Variants in CNOT1 observed in about 807,000 individuals in gnomAD.
CNOT1 encodes the protein CCR4-NOT transcription complex subunit 1, also known as CCR4-associated factor 1.
CNOT1 carries 15 observed loss-of-function variants against 273.8 expected under a neutral mutation model. The observed-to-expected ratio is 0.05, with a 90% confidence interval of 0.04 to 0.08. CNOT1 has a LOEUF of 0.08. CNOT1 is among the 10% of genes least tolerant of loss of function. The pLI, the probability that CNOT1 is intolerant of heterozygous loss-of-function variation, is 1.00. For synonymous variants in CNOT1, 1,022 were observed against 1,005.5 expected (o/e 1.02, Z -0.31); for missense variants, 1,644 against 2,912.2 (o/e 0.56, Z 10.02).
At chr16:58,555,169 C>G in intron 21 of CNOT1, 82 bp downstream of exon 21, 2 of 1,549,036 alleles carry the variant, frequency 1.3e-6, no homozygotes, top group East Asian at 4.5e-5. Context: ...GATTGCGCCA[C>G]TGCACTCCAG....
chr16:58,546,903 T>C (rs1194187127), intron 27 of CNOT1, among the ~76,000 whole-genome samples, 154 bp from the exon 28 acceptor site: 6 of 152,124 alleles, frequency 3.9e-5, no homozygotes, highest in Non-Finnish European at 7.4e-5. Context: ...CAGTTAAACA[T>C]AGTTAAACAC....
intron 1 of CNOT1, among the ~76,000 whole-genome samples, chr16:58,619,230 A>G (rs1404689518): frequency 1.3e-5 from 2 of 152,080 alleles, no homozygotes; most frequent in Non-Finnish European, 2.9e-5. Context: ...GCCTTCTTGA[A>G]GCTATTTTAT....
intron 31 of CNOT1, chr16:58,543,012 G>T: frequency 1.3e-6 from 1 of 763,150 alleles, no homozygotes; most frequent in Non-Finnish European, 1.6e-6. Context: ...AGAATCAGTT[G>T]AACCTCAGAG....
At chr16:58,611,734 T>C (rs917689957) in intron 1 of CNOT1, among the ~76,000 whole-genome samples, 5 of 149,836 alleles carry the variant, frequency 3.3e-5, no homozygotes, top group African/African-American at 1.2e-4. Flanking sequence ...GGCAGGAGAA[T>C]GGCATGAACC....
chr16:58,596,989 T>C (rs539101410), intron 2 of CNOT1, among the ~76,000 whole-genome samples: 12 of 147,758 alleles, frequency 8.1e-5, no homozygotes, highest in Non-Finnish European at 1.6e-4. Flanking sequence ...CATAAGAAGG[T>C]AGCTGGAAGT....
chr16:58,574,645 A>C lies in CNOT1; in HGVS notation c.1943T>G (p.Leu648Trp), dbSNP rs201113615. 3 of 1,601,426 alleles carry C rather than the reference A, an allele frequency of 1.9e-6. No individual in the cohort carries two copies. Among genetic ancestry groups the C allele is most frequent in the Non-Finnish European group, 2.5e-6 (3 of 1,177,526 alleles). ...TTGCAGACAGGCCAACATTGTCGCC[A>C]AAGTTTCTGGAGGAAGTTGAGCACT... ...PKSAQLPPET[L>W]ATMLACLQAC... The change falls in exon 16 of 49, where the codon TTG becomes TGG. Residue 648 changes from leucine (L) to tryptophan (W), a missense_variant. Around this residue, in one of 13 missense-constraint regions of CNOT1, gnomAD observed 706 missense variants for 1,021.2 expected, o/e 0.69. Transcript: ENST00000317147.
In CNOT1 at chr16:58,542,346, A is replaced by G; in HGVS notation, c.4576-11T>C. On this transcript the variant is annotated splice_polypyrimidine_tract_variant and intron_variant, in intron 32 of 48. Transcript: ENST00000317147. ...TCTCAGCTCAAATTCCTGCAAACAA[A>G]AAAAGTCACTGAGGTTCTTGTTATA... 1 of 1,614,044 alleles carries G rather than the reference A, an allele frequency of 6.2e-7. No individual in the cohort carries two copies. The highest frequency in any genetic ancestry group is 1.3e-5 in the African/African-American group (1 of 75,048).
At chr16:58,591,755 GA>G (rs34192497) in intron 2 of CNOT1, among the ~76,000 whole-genome samples, 169 of 136,926 alleles carry the variant, frequency 1.2e-3, no homozygotes, top group African/African-American at 1.8e-3. Context: ...ACTCCGTCTC[GA>G]AAAAAAAAAA....
chr16:58,538,929 A>G lies in CNOT1; in HGVS notation c.4993-15T>C, dbSNP rs150983036. The G allele has an allele frequency of 6.2e-7, 1 of 1,608,578 alleles. No individual in the cohort carries two copies. Among genetic ancestry groups the G allele is most frequent in the Non-Finnish European group, 8.5e-7 (1 of 1,178,112 alleles). ...CCCTCTACAGCCTATGGGAGAAAGAAAGCGTTCAAAACCATGAAAAATACA... is the reference window on the plus strand; with the variant it reads ...CCCTCTACAGCCTATGGGAGAAAGAGAGCGTTCAAAACCATGAAAAATACA... On this transcript the variant is annotated splice_polypyrimidine_tract_variant and intron_variant, in intron 35 of 48. Coordinates refer to ENST00000317147, the MANE Select transcript of CNOT1 (RefSeq NM_016284.5).
chr16:58,538,319 G>A, intron 36 of CNOT1, 53 bp from the exon 37 acceptor site: 1 of 834,624 alleles, frequency 1.2e-6, no homozygotes, highest in Non-Finnish European at 2.1e-6. Flanking sequence ...ACTGTAAAAG[G>A]GCCCATTTTA....
At chr16:58,541,659 A>G in intron 33 of CNOT1, 39 bp from the exon 34 acceptor site, 1 of 1,601,132 alleles carries the variant, frequency 6.2e-7, no homozygotes, top group Non-Finnish European at 8.5e-7. Context: ...AATTCACTCA[A>G]TAATCAAAAT....
At chr16:58,539,017 A>C (rs1238558700) in intron 35 of CNOT1, 103 bp from the exon 36 acceptor site, 2 of 1,485,556 alleles carry the variant, frequency 1.3e-6, no homozygotes, top group Non-Finnish European at 1.8e-6. Flanking sequence ...AATACCTTCC[A>C]AAGCCTCCCT....
At chr16:58,530,644 C>T (rs150677826) in intron 42 of CNOT1, 4,056 of 186,322 alleles carry the variant, frequency 0.022, 82 homozygotes, top group Non-Finnish European at 0.033. Flanking sequence ...ATTAGCCAGG[C>T]GAGGTGGCGG....
intron 39 of CNOT1, among the ~76,000 whole-genome samples, chr16:58,535,707 T>A (rs965719497): frequency 6.6e-6 from 1 of 152,100 alleles, no homozygotes; most frequent in South Asian, 2.1e-4. Context: ...GTAACATTCA[T>A]TTTGAAAAGT....
At chr16:58,598,947 A>T (rs902336882) in intron 2 of CNOT1, 15 of 287,206 alleles carry the variant, frequency 5.2e-5, no homozygotes, top group Non-Finnish European at 1.0e-4. Flanking sequence ...GCTACTCGGG[A>T]GGCTGAGGCA....
In CNOT1 at chr16:58,585,560, CT is replaced by C; in HGVS notation, c.638-55del. ...ATACTAATTAAAAACAAACAATCCT[CT>C]TTTGCTCTATCCAAAATCCCCTCAA... On this transcript the variant is annotated intron_variant, in intron 7 of 48. Coordinates refer to ENST00000317147, the MANE Select transcript of CNOT1 (RefSeq NM_016284.5). 1.9e-6 allele frequency: 3 copies of C among 1,569,864 alleles called. No homozygotes were observed. In the South Asian group the frequency reaches 3.5e-5, roughly 19 times the overall value.
chr16:58,573,771 G>A (rs1029793254), intron 16 of CNOT1, among the ~76,000 whole-genome samples: 1 of 151,276 alleles, frequency 6.6e-6, no homozygotes, highest in East Asian at 2.0e-4. Context: ...ATGAGCCACC[G>A]CACCCAGCCT....
At chr16:58,595,750 A>G in intron 2 of CNOT1, among the ~76,000 whole-genome samples, 1 of 152,156 alleles carries the variant, frequency 6.6e-6, no homozygotes, top group Non-Finnish European at 1.5e-5. Flanking sequence ...GGGGTGACAG[A>G]GTCAGTGATC....
intron 2 of CNOT1, chr16:58,597,490 A>C (rs1485480119): frequency 1.6e-5 from 3 of 190,146 alleles, no homozygotes; most frequent in Admixed American, 6.3e-5. Context: ...AAAAAGAAAG[A>C]AAGTAGGAAG....
Sources: allele counts gnomAD v4.1 joint callset (sites outside exome capture counted in the v4.1 genomes callset), GRCh38; gene constraint gnomAD v4.1.1; regional missense constraint gnomAD v4.1.1; transcripts MANE v1.5; gene names NCBI Gene and HGNC (gene_info 2026-07-23, HGNC 2026-07-21).